Variants in SPON1 observed in about 807,000 individuals in gnomAD.
SPON1 encodes spondin-1.
A neutral mutation model predicts 111.7 loss-of-function variants in SPON1; 52 were observed. That is an observed-to-expected ratio of 0.47 (90% confidence interval 0.37 to 0.59). The LOEUF (loss-of-function observed/expected upper bound fraction) is 0.59. Among genes scored for constraint, SPON1 ranks in the 20% least tolerant of loss-of-function variants. The probability of loss-of-function intolerance (pLI) is 0.00; values close to 1 mark genes in which losing one functional copy is unlikely to be tolerated. For synonymous variants in SPON1, 410 were observed against 395.8 expected (o/e 1.04, Z -0.43); for missense variants, 957 against 1,068.5 (o/e 0.90, Z 1.46).
chr11:14,174,591 C>T (rs1554932914), intron 6 of SPON1, among the ~76,000 whole-genome samples: 1 of 151,298 alleles, frequency 6.6e-6, no homozygotes, highest in African/African-American at 2.4e-5. Flanking sequence ...CTCTGTTTTC[C>T]CAATGAGTCC....
At chr11:14,208,953 C>T (rs750195196) in intron 6 of SPON1, among the ~76,000 whole-genome samples, 34 of 152,088 alleles carry the variant, frequency 2.2e-4, no homozygotes, top group Non-Finnish European at 4.1e-4. Flanking sequence ...ATTTTATATT[C>T]TTGGCATTTT....
intron 2 of SPON1, among the ~76,000 whole-genome samples, chr11:14,026,310 C>T (rs1848517593): frequency 6.6e-6 from 1 of 152,194 alleles, no homozygotes; most frequent in African/African-American, 2.4e-5. Flanking sequence ...TGAGTGTTAC[C>T]ATAAATCTAT....
At chr11:14,064,167 T>C (rs1162146613) in intron 3 of SPON1, among the ~76,000 whole-genome samples, 2 of 152,182 alleles carry the variant, frequency 1.3e-5, no homozygotes, top group Admixed American at 1.3e-4. Flanking sequence ...CACCAGGGAA[T>C]AACAAGGTTC....
chr11:14,032,166 G>A (rs966003873), intron 2 of SPON1, among the ~76,000 whole-genome samples: 17 of 152,158 alleles, frequency 1.1e-4, no homozygotes, highest in East Asian at 3.8e-4. Context: ...GTGAAATGAC[G>A]AGTTATAACA....
intron 2 of SPON1, among the ~76,000 whole-genome samples, chr11:14,022,915 A>G (rs1848491356): frequency 6.6e-6 from 1 of 152,222 alleles, no homozygotes; most frequent in Non-Finnish European, 1.5e-5. Context: ...ATGTAGGTTC[A>G]ACTGGAAAAC....
intron 6 of SPON1, among the ~76,000 whole-genome samples, chr11:14,174,431 C>T (rs908767916): frequency 6.6e-6 from 1 of 152,164 alleles, no homozygotes; most frequent in African/African-American, 2.4e-5. Context: ...TAATTTGATA[C>T]CCCCAAAACT....
At chr11:14,015,187 A>G (rs1400952307) in intron 2 of SPON1, among the ~76,000 whole-genome samples, 2 of 152,198 alleles carry the variant, frequency 1.3e-5, no homozygotes, top group Non-Finnish European at 2.9e-5. Flanking sequence ...ATAACAAAAT[A>G]CCACAGATTG....
At chr11:14,112,322 C>A (rs1564907868) in intron 5 of SPON1, among the ~76,000 whole-genome samples, 1 of 152,178 alleles carries the variant, frequency 6.6e-6, no homozygotes, top group South Asian at 2.1e-4. Context: ...GGAAGAACTG[C>A]ACAAGAGTTT....
At chr11:14,263,053 TAA>T (rs34480564) in intron 15 of SPON1, 78 bp downstream of exon 15, 97,804 of 926,370 alleles carry the variant, frequency 0.11, 6 homozygotes, top group East Asian at 0.15. Flanking sequence ...TGGACCTGTT[TAA>T]AAAAAAAAAA....
intron 6 of SPON1, among the ~76,000 whole-genome samples, chr11:14,204,021 A>G (rs1342855472): frequency 6.6e-6 from 1 of 152,190 alleles, no homozygotes; most frequent in Non-Finnish European, 1.5e-5. Flanking sequence ...TGCTATTACT[A>G]CCAAGGGCCT....
In SPON1 at chr11:14,262,866, C is replaced by T; in HGVS notation, c.2151C>T (p.Ile717=). ...PETVQRKKCR[I]RKCLRNPSIQ... is the part of the protein sequence containing the mutation. ...CTGTGCAGCGAAAAAAGTGCCGCATCCGAAAATGCCTTCGAAATCCATCCA... is the reference window on the plus strand; with the variant it reads ...CTGTGCAGCGAAAAAAGTGCCGCATTCGAAAATGCCTTCGAAATCCATCCA... Residue 717 remains isoleucine (I), a synonymous_variant, in exon 15 of 16, where the codon ATC becomes ATT. Coordinates refer to ENST00000576479, the MANE Select transcript of SPON1 (RefSeq NM_006108.4). 6.2e-7 allele frequency: 1 copy of T among 1,613,818 alleles called. No homozygotes were observed. The highest frequency in any genetic ancestry group is 1.1e-5 in the South Asian group (1 of 91,064).
At position 14,259,108 on chromosome 11, in the gene SPON1, C is replaced by T. The variant is rs1849142089; in HGVS notation, c.1493-172C>T. 6.6e-6 allele frequency among the ~76,000 whole-genome samples: 1 copy of T among 152,228 alleles called. No homozygotes were observed. On this transcript the variant is annotated intron_variant, in intron 11 of 15. Coordinates refer to ENST00000576479, the MANE Select transcript of SPON1 (RefSeq NM_006108.4). The surrounding 1 kb of genome is among the most constrained non-coding windows in gnomAD (Gnocchi z 5.0). Reference sequence around the variant, plus strand: ...GTGTCCCATGCACCTGGAAAAGAGGCATTTCCTCTTAGAGAACTTTGCCAG... The same window carrying T: ...GTGTCCCATGCACCTGGAAAAGAGGTATTTCCTCTTAGAGAACTTTGCCAG...
intron 3 of SPON1, among the ~76,000 whole-genome samples, chr11:14,050,995 G>C (rs1233085017): frequency 1.2e-4 from 18 of 152,198 alleles, no homozygotes; most frequent in African/African-American, 4.1e-4. Context: ...CCATTGCAGT[G>C]GGGGCAGAGA....
intron 6 of SPON1, among the ~76,000 whole-genome samples, chr11:14,165,847 A>G (rs1848023385): frequency 6.6e-6 from 1 of 152,328 alleles, no homozygotes; most frequent in Non-Finnish European, 1.5e-5. Flanking sequence ...GTGCAGCAAG[A>G]ATAATTATTT....
At chr11:14,016,360 G>A (rs1848443913) in intron 2 of SPON1, among the ~76,000 whole-genome samples, 1 of 152,244 alleles carries the variant, frequency 6.6e-6, no homozygotes, top group Non-Finnish European at 1.5e-5. Context: ...GTGTGAGAAA[G>A]TTTAACTGGT....
intron 2 of SPON1, among the ~76,000 whole-genome samples, chr11:14,024,111 C>T (rs1848500360): frequency 6.6e-6 from 1 of 152,118 alleles, no homozygotes. Context: ...ACTCAAACCC[C>T]TAAAGGGAGA....
chr11:14,200,828 A>T (rs1848454403), intron 6 of SPON1, among the ~76,000 whole-genome samples: 1 of 57,608 alleles, frequency 1.7e-5, no homozygotes, highest in East Asian at 8.8e-4. Context: ...AAAAAAAAAA[A>T]AAAAAAAAAA....
intron 6 of SPON1, among the ~76,000 whole-genome samples, chr11:14,203,651 T>C (rs1269476339): frequency 6.6e-6 from 1 of 152,176 alleles, no homozygotes; most frequent in Non-Finnish European, 1.5e-5. Context: ...GGCCAGCACA[T>C]GCCCAGGTAA....
At chr11:14,011,164 C>T (rs1554913693) in intron 2 of SPON1, among the ~76,000 whole-genome samples, 2 of 152,182 alleles carry the variant, frequency 1.3e-5, no homozygotes. Flanking sequence ...GCCCTCTCCA[C>T]TCTGTGGGTT....
Sources: allele counts gnomAD v4.1 joint callset (sites outside exome capture counted in the v4.1 genomes callset), GRCh38; gene constraint gnomAD v4.1.1; non-coding constraint Gnocchi (gnomAD v3.1); transcripts MANE v1.5; gene names NCBI Gene and HGNC (gene_info 2026-07-23, HGNC 2026-07-21).